Variants in MRPL37 observed in about 807,000 individuals in gnomAD.
The protein encoded by MRPL37 is large ribosomal subunit protein mL37.
A neutral mutation model predicts 44.1 loss-of-function variants in MRPL37; 34 were observed. The observed-to-expected ratio is 0.77, with a 90% CI of 0.59 to 1.03. The LOEUF (loss-of-function observed/expected upper bound fraction) is 1.03, where lower values mean the gene tolerates loss of function less well. Ranked by LOEUF, MRPL37 falls within the 50% of genes least tolerant of loss-of-function variation. MRPL37 has a pLI of 0.00. For synonymous variants in MRPL37, 212 were observed against 219.5 expected (o/e 0.97, Z 0.30); for missense variants, 532 against 543.7 (o/e 0.98, Z 0.21).
downstream of MRPL37, chr1:54,220,652 C>T (rs1644226281): frequency 2.1e-6 from 1 of 471,880 alleles, no homozygotes; most frequent in South Asian, 1.5e-5. Flanking sequence ...CTACCAGCTT[C>T]GTCCTCACTC....
At chr1:54,208,267 G>A (rs1644138121) in intron 3 of MRPL37, among the ~76,000 whole-genome samples, 1 of 152,108 alleles carries the variant, frequency 6.6e-6, no homozygotes, top group East Asian at 1.9e-4. Context: ...CCTTGGCTGG[G>A]TGCGGTGGCT....
At chr1:54,225,276 C>T, downstream of MRPL37, 1 of 1,234,294 alleles carries the variant, frequency 8.1e-7, no homozygotes, top group Non-Finnish European at 1.0e-6. Context: ...CACAAGAACA[C>T]AGAATTTGCA....
At chr1:54,209,494 C>T (rs1479288292) in intron 3 of MRPL37, among the ~76,000 whole-genome samples, 2 of 145,276 alleles carry the variant, frequency 1.4e-5, no homozygotes, top group Non-Finnish European at 3.0e-5. Flanking sequence ...CAGTTTCACT[C>T]TGTCACCCAG....
At chr1:54,203,381 A>T (rs866166619) in intron 1 of MRPL37, among the ~76,000 whole-genome samples, 1 of 152,290 alleles carries the variant, frequency 6.6e-6, no homozygotes. Flanking sequence ...AGATTAAATT[A>T]AAAAACAGGC....
intron 4 of MRPL37, among the ~76,000 whole-genome samples, chr1:54,211,619 A>G (rs1208128346): frequency 1.3e-5 from 2 of 151,956 alleles, no homozygotes; most frequent in Non-Finnish European, 2.9e-5. Flanking sequence ...CAGCCTCCTG[A>G]GTAGCCGGGA....
chr1:54,218,031 C>T, intron 6 of MRPL37, 141 bp from the exon 7 acceptor site: 2 of 810,054 alleles, frequency 2.5e-6, no homozygotes, highest in East Asian at 4.9e-5. Context: ...CCTCAATGCC[C>T]CTTCTTAGTC....
intron 6 of MRPL37, among the ~76,000 whole-genome samples, chr1:54,217,478 C>CGTGAG (rs1435807005): frequency 6.6e-6 from 1 of 152,224 alleles, no homozygotes; most frequent in African/African-American, 2.4e-5. Context: ...CTTCTCCTCA[C>CGTGAG]CTCTGCAGCC....
Position 54,200,173 on chromosome 1 carries a change from C to G in MRPL37, c.-71C>G. 6.9e-7 allele frequency: 1 copy of G among 1,442,220 alleles called. No homozygotes were observed. The highest frequency in any genetic ancestry group is 9.3e-7 in the Non-Finnish European group (1 of 1,080,984). 89.3% of individuals were successfully genotyped at this position (1,442,220 alleles called of 1,614,324 possible). A position where few individuals can be genotyped will look rare whatever the true frequency, so the allele number is the denominator to read the frequency against. ...ACGAGCTTTGGCGCCCGGTCTCATT[C>G]GTTCCCAGCAGGCCCTGCGCGCGGC... On this transcript the variant is annotated 5_prime_UTR_variant, in exon 1 of 7. Transcript: ENST00000360840.
downstream of MRPL37, chr1:54,220,908 A>AT (rs1644229197): frequency 2.4e-6 from 1 of 419,750 alleles, no homozygotes; most frequent in Non-Finnish European, 5.1e-6. Flanking sequence ...ATATATTTAA[A>AT]TTCCTGGTTG....
downstream of MRPL37, chr1:54,225,462 G>C: frequency 3.3e-6 from 4 of 1,205,080 alleles, no homozygotes; most frequent in Non-Finnish European, 4.2e-6. Flanking sequence ...TTAATAAAAC[G>C]TTATCAACAT....
At chr1:54,201,447 A>G (rs760453383) in intron 1 of MRPL37, among the ~76,000 whole-genome samples, 1 of 152,232 alleles carries the variant, frequency 6.6e-6, no homozygotes, top group Non-Finnish European at 1.5e-5. Flanking sequence ...AGTGGGAAGG[A>G]TCTCACAAGA....
At chr1:54,211,409 C>T (rs917773212) in intron 4 of MRPL37, among the ~76,000 whole-genome samples, 3 of 152,152 alleles carry the variant, frequency 2.0e-5, no homozygotes, top group Admixed American at 6.5e-5. Context: ...TGCCGAATAC[C>T]TGAGCAGGCT....
chr1:54,224,095 G>C (rs572190788), downstream of MRPL37, among the ~76,000 whole-genome samples: 1 of 152,216 alleles, frequency 6.6e-6, no homozygotes, highest in Non-Finnish European at 1.5e-5. Context: ...GTCTGTGCCT[G>C]ACTCCTGCTC....
chr1:54,205,237 T>G, intron 2 of MRPL37, 36 bp downstream of exon 2: 2 of 1,608,134 alleles, frequency 1.2e-6, no homozygotes, highest in South Asian at 2.2e-5. Context: ...TTCCTACTAA[T>G]GGATCTTCGA....
downstream of MRPL37, among the ~76,000 whole-genome samples, chr1:54,224,390 A>T (rs1484338641): frequency 6.6e-6 from 1 of 152,120 alleles, no homozygotes; most frequent in African/African-American, 2.4e-5. Flanking sequence ...TAGCGAACAC[A>T]TGCTGCTCTT....
intron 4 of MRPL37, among the ~76,000 whole-genome samples, chr1:54,211,692 T>G (rs1644166433): frequency 6.6e-6 from 1 of 152,150 alleles, no homozygotes; most frequent in African/African-American, 2.4e-5. Flanking sequence ...AGGGTCTTAT[T>G]ATGTTTTCTA....
At chr1:54,221,702 G>GCA (rs149889044), downstream of MRPL37, among the ~76,000 whole-genome samples, 23,856 of 151,830 alleles carry the variant, frequency 0.16, 2,340 homozygotes, top group East Asian at 0.48. Context: ...TCAGACATGT[G>GCA]CACACACACA....
At chr1:54,222,235 G>A (rs1009901487), downstream of MRPL37, among the ~76,000 whole-genome samples, 2 of 152,206 alleles carry the variant, frequency 1.3e-5, no homozygotes, top group Non-Finnish European at 2.9e-5. Flanking sequence ...CACTGAACCA[G>A]GCTGTGGGGA....
chr1:54,217,838 T>C (rs1271873991), intron 6 of MRPL37, among the ~76,000 whole-genome samples: 1 of 152,106 alleles, frequency 6.6e-6, no homozygotes, highest in Non-Finnish European at 1.5e-5. Context: ...AGCAAGCAGG[T>C]GCCCAATAAA....
Sources: allele counts gnomAD v4.1 joint callset (sites outside exome capture counted in the v4.1 genomes callset), GRCh38; gene constraint gnomAD v4.1.1; transcripts MANE v1.5; gene names NCBI Gene and HGNC (gene_info 2026-07-23, HGNC 2026-07-21).